The following PDSS2 variants were observed in gnomAD, a reference collection of about 807,000 sequenced individuals.
PDSS2 encodes all trans-polyprenyl-diphosphate synthase PDSS2.
PDSS2 carries 31 observed loss-of-function variants against 44.5 expected under a neutral mutation model. That is an observed-to-expected ratio of 0.70 (90% CI 0.52 to 0.94). The LOEUF is 0.94. PDSS2 is among the 40% of genes least tolerant of loss of function. The pLI, the probability that PDSS2 is intolerant of heterozygous loss-of-function variation, is 0.00. For missense variants in PDSS2, 452 were observed against 482.2 expected (o/e 0.94, Z 0.59); for synonymous variants, 157 against 180.3 (o/e 0.87, Z 1.03).
At chr6:107,196,535 G>A (rs1269498769) in intron 6 of PDSS2, among the ~76,000 whole-genome samples, 2 of 152,158 alleles carry the variant, frequency 1.3e-5, no homozygotes, top group Admixed American at 1.3e-4. Context: ...CCTTTTCCTT[G>A]TCTTTTGCTG....
chr6:107,311,195 CTTT>C (rs35780982), intron 2 of PDSS2, among the ~76,000 whole-genome samples: 5 of 128,296 alleles, frequency 3.9e-5, no homozygotes, highest in East Asian at 2.3e-4. Flanking sequence ...CCACAACCAG[CTTT>C]TTTTTTTTTT....
intron 4 of PDSS2, among the ~76,000 whole-genome samples, chr6:107,236,927 A>C (rs974259854): frequency 6.6e-6 from 1 of 151,254 alleles, no homozygotes; most frequent in Non-Finnish European, 1.5e-5. Context: ...TTAACTTCCT[A>C]GTGGACTGAA....
chr6:107,180,208 G>A (rs1363455242), intron 7 of PDSS2, among the ~76,000 whole-genome samples: 3 of 152,080 alleles, frequency 2.0e-5, no homozygotes, highest in African/African-American at 7.2e-5. Context: ...AGACATACAG[G>A]CTCTCCTGGT....
intron 4 of PDSS2, among the ~76,000 whole-genome samples, chr6:107,235,436 G>A (rs1774192592): frequency 6.6e-6 from 1 of 152,180 alleles, no homozygotes; most frequent in South Asian, 2.1e-4. Context: ...TAGGGCATCA[G>A]TAAAGAACTC....
intron 7 of PDSS2, among the ~76,000 whole-genome samples, chr6:107,161,127 G>A (rs142363999): frequency 0.031 from 4,664 of 150,134 alleles, 231 homozygotes; most frequent in African/African-American, 0.11. Context: ...CACCCACCTC[G>A]GCCTCCCAAA....
intron 1 of PDSS2, among the ~76,000 whole-genome samples, chr6:107,404,907 G>C (rs1184830466): frequency 2.0e-5 from 3 of 152,168 alleles, no homozygotes; most frequent in African/African-American, 7.2e-5. Flanking sequence ...AAGAGATTTA[G>C]ACATCCAGAT....
At chr6:107,408,970 T>A (rs986160835) in intron 1 of PDSS2, among the ~76,000 whole-genome samples, 1 of 152,170 alleles carries the variant, frequency 6.6e-6, no homozygotes, top group Non-Finnish European at 1.5e-5. Flanking sequence ...GCAGGTGGCA[T>A]TCAAGTCACG....
intron 2 of PDSS2, among the ~76,000 whole-genome samples, chr6:107,303,436 A>C (rs746512022): frequency 1.6e-4 from 24 of 152,164 alleles, no homozygotes; most frequent in Non-Finnish European, 3.5e-4. Flanking sequence ...CCCAGAAGTT[A>C]TCTCTTTTAT....
At chr6:107,404,653 G>C (rs1175441271) in intron 1 of PDSS2, among the ~76,000 whole-genome samples, 1 of 152,122 alleles carries the variant, frequency 6.6e-6, no homozygotes, top group Non-Finnish European at 1.5e-5. Context: ...ATCAGATCTT[G>C]TGAGAACTCA....
At chr6:107,202,013 G>A (rs893590389) in intron 6 of PDSS2, among the ~76,000 whole-genome samples, 2 of 152,110 alleles carry the variant, frequency 1.3e-5, no homozygotes, top group African/African-American at 4.8e-5. Context: ...TTGTCCCTAA[G>A]AACACTGACA....
chr6:107,414,777 C>CA (rs1471589711), intron 1 of PDSS2, among the ~76,000 whole-genome samples: 1 of 152,182 alleles, frequency 6.6e-6, no homozygotes, highest in Non-Finnish European at 1.5e-5. Flanking sequence ...AAGGATAACA[C>CA]ATAGCATTTA....
intron 4 of PDSS2, among the ~76,000 whole-genome samples, chr6:107,214,326 C>T (rs1217701366): frequency 2.0e-5 from 3 of 151,930 alleles, no homozygotes; most frequent in East Asian, 1.9e-4. Flanking sequence ...CTCCTGACCT[C>T]GTGATCCGCC....
intron 2 of PDSS2, among the ~76,000 whole-genome samples, chr6:107,297,742 T>TTTTA (rs201099410): frequency 5.2e-4 from 79 of 151,380 alleles, no homozygotes; most frequent in Non-Finnish European, 7.8e-4. Context: ...GGAAACAAAA[T>TTTTA]TTTATTTATT....
chr6:107,189,195 G>A (rs1772281979), intron 7 of PDSS2, among the ~76,000 whole-genome samples: 1 of 152,156 alleles, frequency 6.6e-6, no homozygotes, highest in African/African-American at 2.4e-5. Context: ...GTATGAGTGT[G>A]CACCAACATA....
intron 1 of PDSS2, among the ~76,000 whole-genome samples, chr6:107,367,617 C>G (rs974645163): frequency 3.3e-5 from 5 of 151,966 alleles, no homozygotes; most frequent in African/African-American, 9.7e-5. Flanking sequence ...AACCCCTTCT[C>G]TACTAAAAAT....
At chr6:107,366,358 A>C (rs976136043) in intron 1 of PDSS2, among the ~76,000 whole-genome samples, 2 of 152,132 alleles carry the variant, frequency 1.3e-5, no homozygotes, top group Admixed American at 6.5e-5. Context: ...AACATATCAA[A>C]ATTTGTAGTG....
chr6:107,391,236 A>T (rs187451387), intron 1 of PDSS2, among the ~76,000 whole-genome samples: 153 of 152,212 alleles, frequency 1.0e-3, no homozygotes, highest in African/African-American at 3.5e-3. Flanking sequence ...GAGGCCCACA[A>T]CACTGTATCT....
At chr6:107,359,958 T>C (rs1034950405) in intron 1 of PDSS2, among the ~76,000 whole-genome samples, 1 of 152,214 alleles carries the variant, frequency 6.6e-6, no homozygotes. Context: ...TGTTGACACA[T>C]AAATTGCAAT....
rs1554244890 is a variant in PDSS2 at position 107,153,522 on chromosome 6, G to A, written c.*1097C>T. The A allele has an allele frequency of 6.6e-6, 1 of 151,700 alleles. No homozygotes were observed. The highest frequency in any genetic ancestry group is 1.9e-4 in the East Asian group (1 of 5,172). The allele number at this position is 151,700 out of a possible 1,614,324, so 9.4% of individuals were successfully genotyped here. Reference sequence around the variant, plus strand: ...AAATTAAAGTATGCCTTAAACCAAAGTATTACAAATGAATACATTTCACTT... The same window carrying A: ...AAATTAAAGTATGCCTTAAACCAAAATATTACAAATGAATACATTTCACTT... On this transcript the variant is annotated 3_prime_UTR_variant, in exon 8 of 8. Transcript: ENST00000369037.
Sources: allele counts gnomAD v4.1 joint callset (sites outside exome capture counted in the v4.1 genomes callset), GRCh38; gene constraint gnomAD v4.1.1; transcripts MANE v1.5; gene names NCBI Gene and HGNC (gene_info 2026-07-23, HGNC 2026-07-21).